Variants in CNTN5 observed in about 807,000 individuals in gnomAD.
CNTN5 encodes the protein contactin-5.
CNTN5 carries 77 observed loss-of-function variants against 129.1 expected under a neutral mutation model. That is an observed-to-expected ratio of 0.60 (90% confidence interval 0.50 to 0.72). The LOEUF (loss-of-function observed/expected upper bound fraction) is 0.72. CNTN5 is among the 30% of genes least tolerant of loss of function. CNTN5 has a pLI of 0.00. For synonymous variants in CNTN5, 509 were observed against 465.6 expected (o/e 1.09, Z -1.20); for missense variants, 1,478 against 1,328.8 (o/e 1.11, Z -1.75).
At position 99,480,379 on chromosome 11, in the gene CNTN5, A is replaced by G. The variant is rs570347981; in HGVS notation, c.-70-75766A>G. Among the ~76,000 whole-genome samples the G allele has an allele frequency of 3.3e-5, 5 of 152,244 alleles. No homozygotes were observed. The South Asian group carries it at 6.2e-4, about 19-fold the overall frequency. ...CGGACAGCTGTTTCACTGGCTTTCAATGGCATCTTTGGCAGGATATTTGAT... is the reference window on the plus strand; with the variant it reads ...CGGACAGCTGTTTCACTGGCTTTCAGTGGCATCTTTGGCAGGATATTTGAT... On this transcript the variant is annotated intron_variant, in intron 2 of 24. Transcript: ENST00000524871.
chr11:100,209,934 A>T (rs1334130187), intron 15 of CNTN5, among the ~76,000 whole-genome samples: 1 of 152,176 alleles, frequency 6.6e-6, no homozygotes, highest in African/African-American at 2.4e-5. Context: ...TAACTAGTGG[A>T]GAGAATGAAA....
At chr11:99,636,543 G>C (rs1380282472) in intron 3 of CNTN5, among the ~76,000 whole-genome samples, 1 of 151,950 alleles carries the variant, frequency 6.6e-6, no homozygotes, top group Non-Finnish European at 1.5e-5. Flanking sequence ...GATGCTATCA[G>C]TGACAGGAGT....
chr11:100,052,865 G>A (rs78360332), intron 9 of CNTN5, among the ~76,000 whole-genome samples: 13,975 of 151,640 alleles, frequency 0.092, 827 homozygotes, highest in East Asian at 0.18. Context: ...CATAAAGATA[G>A]GCTTATAGAT....
chr11:99,817,289 A>T (rs1355070649), intron 3 of CNTN5, among the ~76,000 whole-genome samples: 1 of 152,234 alleles, frequency 6.6e-6, no homozygotes, highest in Non-Finnish European at 1.5e-5. Flanking sequence ...TTAATTGATG[A>T]AAAGGGAATC....
intron 21 of CNTN5, among the ~76,000 whole-genome samples, chr11:100,318,398 G>A (rs906391156): frequency 8.6e-5 from 13 of 152,006 alleles, no homozygotes; most frequent in Middle Eastern, 3.4e-3. Flanking sequence ...ATTATATAAT[G>A]CACATTTGCA....
chr11:100,241,521 A>C (rs1054747171), intron 16 of CNTN5, among the ~76,000 whole-genome samples: 6 of 152,222 alleles, frequency 3.9e-5, no homozygotes, highest in Non-Finnish European at 4.4e-5. Flanking sequence ...GTTGGCAATT[A>C]AAAGCTTCAG....
intron 9 of CNTN5, among the ~76,000 whole-genome samples, chr11:100,045,015 T>C (rs1016802605): frequency 6.6e-6 from 1 of 152,130 alleles, no homozygotes; most frequent in African/African-American, 2.4e-5. Flanking sequence ...GCCATCAAAA[T>C]GCAGTTTTCT....
intron 6 of CNTN5, among the ~76,000 whole-genome samples, chr11:99,879,421 A>G (rs944669305): frequency 2.0e-5 from 3 of 152,134 alleles, no homozygotes; most frequent in Non-Finnish European, 4.4e-5. Context: ...ACCGGACCAG[A>G]TAGTACACAT....
At chr11:100,060,391 T>C (rs946655954) in intron 9 of CNTN5, among the ~76,000 whole-genome samples, 1 of 151,992 alleles carries the variant, frequency 6.6e-6, no homozygotes, top group African/African-American at 2.4e-5. Context: ...ACAAAATTTA[T>C]ATTTAAAAAA....
At chr11:100,346,207 A>G (rs1006346429) in intron 23 of CNTN5, among the ~76,000 whole-genome samples, 4 of 152,096 alleles carry the variant, frequency 2.6e-5, no homozygotes, top group African/African-American at 9.7e-5. Context: ...TATTTTTACA[A>G]CTCCTATAAT....
At chr11:100,209,000 T>C (rs1433604153) in intron 15 of CNTN5, among the ~76,000 whole-genome samples, 1 of 152,182 alleles carries the variant, frequency 6.6e-6, no homozygotes, top group African/African-American at 2.4e-5. Context: ...CGCGTGGTTA[T>C]CACAGAATTT....
In CNTN5 at chr11:100,052,186, G is replaced by A. The variant is rs187239081; in HGVS notation, c.981-9026G>A. Among the ~76,000 whole-genome samples the A allele has an allele frequency of 1.5e-3, 221 of 151,866 alleles. 3 individuals are homozygous for A. Among genetic ancestry groups the A allele is most frequent in the South Asian group, 8.3e-4 (4 of 4,820 alleles). On this transcript the variant is annotated intron_variant, in intron 9 of 24. Transcript: ENST00000524871. ...GCATATAACAAAATCCATTATACAC[G>A]ATGAAACTGTCAAATATGTAGGATT...
intron 3 of CNTN5, among the ~76,000 whole-genome samples, chr11:99,577,659 G>A (rs1365705220): frequency 1.3e-5 from 2 of 151,884 alleles, no homozygotes; most frequent in East Asian, 3.9e-4. Flanking sequence ...AAAAAATACA[G>A]TGTTTAAAAG....
At chr11:99,636,738 G>A (rs554874112) in intron 3 of CNTN5, among the ~76,000 whole-genome samples, 1 of 151,044 alleles carries the variant, frequency 6.6e-6, no homozygotes, top group African/African-American at 2.4e-5. Context: ...GACTCAGCTG[G>A]GCGCGGTGGC....
At chr11:99,876,973 C>A (rs1948648543) in intron 6 of CNTN5, among the ~76,000 whole-genome samples, 1 of 151,950 alleles carries the variant, frequency 6.6e-6, no homozygotes, top group Non-Finnish European at 1.5e-5. Context: ...AAATGATTTT[C>A]TCTGTAGAAG....
chr11:99,764,514 C>A (rs1030156289), intron 3 of CNTN5, among the ~76,000 whole-genome samples: 1 of 152,084 alleles, frequency 6.6e-6, no homozygotes, highest in African/African-American at 2.4e-5. Context: ...CTCCCAGATT[C>A]AAGGGATTCT....
chr11:99,201,379 CTTCT>C (rs1374753568), intron 1 of CNTN5, among the ~76,000 whole-genome samples: 91 of 148,344 alleles, frequency 6.1e-4, no homozygotes, highest in East Asian at 2.2e-3. Context: ...TCCTTCCTTC[CTTCT>C]TTCCTTCCTT....
At chr11:99,364,578 A>T (rs887421831) in intron 2 of CNTN5, among the ~76,000 whole-genome samples, 1 of 152,152 alleles carries the variant, frequency 6.6e-6, no homozygotes, top group African/African-American at 2.4e-5. Flanking sequence ...ACAAGCAAAG[A>T]TTCAAAACTA....
chr11:99,599,866 T>C (rs1222833096), intron 3 of CNTN5, among the ~76,000 whole-genome samples: 1 of 152,016 alleles, frequency 6.6e-6, no homozygotes, highest in African/African-American at 2.4e-5. Context: ...TAAAAGTCAA[T>C]AAAACTAGAT....
Sources: gnomAD v4.1 joint callset for allele counts (sites outside exome capture counted in the v4.1 genomes callset) on GRCh38, gnomAD v4.1.1 for gene constraint, MANE v1.5 for transcripts, NCBI Gene and HGNC (gene_info 2026-07-23, HGNC 2026-07-21) for gene names.